The following ANK2 variants were observed in gnomAD, a reference collection of about 807,000 sequenced individuals.
The protein encoded by ANK2 is ankyrin 2.
A neutral mutation model predicts 360.5 loss-of-function variants in ANK2; 83 were observed. The ratio of observed to expected loss-of-function variants is 0.23; its 90% CI spans 0.19 to 0.28. ANK2 has a LOEUF of 0.28. Among genes scored for constraint, ANK2 ranks in the 10% least tolerant of loss-of-function variants. The probability of loss-of-function intolerance (pLI) is 1.00; values close to 1 mark genes in which losing one functional copy is unlikely to be tolerated. For missense variants in ANK2, 4,201 were observed against 4,795.7 expected (o/e 0.88, Z 3.66); for synonymous variants, 1,740 against 1,759.5 (o/e 0.99, Z 0.28).
chr4:113,259,675 A>C (rs1341615121), intron 13 of ANK2, among the ~76,000 whole-genome samples: 2 of 152,076 alleles, frequency 1.3e-5, no homozygotes, highest in Non-Finnish European at 2.9e-5. Context: ...TTATATGCTA[A>C]TCTTTATTTA....
At chr4:113,099,601 G>A (rs894677273) in intron 1 of ANK2, among the ~76,000 whole-genome samples, 2 of 151,908 alleles carry the variant, frequency 1.3e-5, no homozygotes, top group African/African-American at 2.4e-5. Context: ...CAAAATCTCA[G>A]CAAGTTGTCT....
At chr4:113,346,225 A>G (rs577302703) in intron 35 of ANK2, among the ~76,000 whole-genome samples, 1 of 152,360 alleles carries the variant, frequency 6.6e-6, no homozygotes, top group East Asian at 1.9e-4. Context: ...TCCACTTAAG[A>G]AAAAACGTAG....
chr4:113,335,638 T>G (rs2093424600), intron 29 of ANK2, among the ~76,000 whole-genome samples: 1 of 152,232 alleles, frequency 6.6e-6, no homozygotes, highest in Admixed American at 6.5e-5. Context: ...ACATGCAAGC[T>G]AAATGCTGAC....
chr4:112,766,490 C>A, the ANK2 span, among the ~76,000 whole-genome samples: 3 of 151,982 alleles, frequency 2.0e-5, no homozygotes, highest in Non-Finnish European at 4.4e-5. Flanking sequence ...ATTGAAAAGT[C>A]CAGGGGTATC....
At chr4:112,826,654 C>T (rs868116489) in intron 1 of ANK2, 161 of 1,016,068 alleles carry the variant, frequency 1.6e-4, no homozygotes, top group Middle Eastern at 4.3e-4. Context: ...CGGGTGACCA[C>T]ACTTACACAT....
At chr4:112,714,332 G>A in the ANK2 span, among the ~76,000 whole-genome samples, 1 of 152,084 alleles carries the variant, frequency 6.6e-6, no homozygotes, top group African/African-American at 2.4e-5. Context: ...AGAGGCACAC[G>A]CCACCATGCC....
At chr4:112,775,814 A>G in the ANK2 span, among the ~76,000 whole-genome samples, 3 of 152,184 alleles carry the variant, frequency 2.0e-5, no homozygotes, top group African/African-American at 7.2e-5. Context: ...GAGTAGTTGT[A>G]GGTCTATAAG....
chr4:112,987,391 C>A (rs1198716704), intron 2 of ANK2, among the ~76,000 whole-genome samples: 1 of 152,158 alleles, frequency 6.6e-6, no homozygotes, highest in Non-Finnish European at 1.5e-5. Flanking sequence ...AAACAACAAC[C>A]CTTTAATCTT....
intron 26 of ANK2, among the ~76,000 whole-genome samples, chr4:113,321,305 T>C (rs1480363446): frequency 6.6e-6 from 1 of 152,230 alleles, no homozygotes; most frequent in East Asian, 1.9e-4. Flanking sequence ...TATACACATG[T>C]TCTAGATCTT....
rs747998652 is a variant in ANK2 at position 113,353,904 on chromosome 4, C to T, written c.5286C>T (p.Pro1762=). 2.5e-6 allele frequency: 4 copies of T among 1,613,960 alleles called. No homozygotes were observed. In the African/African-American group the frequency reaches 4.0e-5, roughly 16 times the overall value. The change falls in exon 38 of 46, where the codon CCC becomes CCT. Residue 1762 remains proline, a synonymous_variant. Coordinates refer to ENST00000357077, the MANE Select transcript of ANK2 (RefSeq NM_001148.6). ...KATSPLIEET[P]IGSIKDKVKA... ...CATCTCCTTTGATAGAAGAAACTCC[C>T]ATTGGTTCCATAAAGGACAAAGTAA...
Position 113,354,049 on chromosome 4 carries a change from C to T in ANK2, c.5431C>T (p.Pro1811Ser), listed in dbSNP as rs200645469. The change falls in exon 38 of 46, where the codon CCC (proline) becomes TCC (serine). Residue 1811 changes from proline (P) to serine (S), a missense_variant. Around this residue, in one of 4 missense-constraint regions of ANK2, gnomAD observed 2,642 missense variants for 2,714.5 expected, o/e 0.97. Coordinates refer to ENST00000357077, the MANE Select transcript of ANK2 (RefSeq NM_001148.6). ...CCACAGGCCACATCCAGCTGCGTCA[C>T]CCTCTCTGAAGTCAGAGAGACATGC... The part of the protein sequence containing the change: ...TTHRPHPAAS[P>S]SLKSERHAPG... The T allele has an allele frequency of 8.1e-6, 13 of 1,613,962 alleles. No individual in the cohort carries two copies. The highest frequency in any genetic ancestry group is 1.1e-5 in the Non-Finnish European group (13 of 1,179,996).
chr4:112,807,909 G>T, the ANK2 span, among the ~76,000 whole-genome samples: 1 of 152,152 alleles, frequency 6.6e-6, no homozygotes, highest in Non-Finnish European at 1.5e-5. Flanking sequence ...AAATAGAATT[G>T]GGATTTATAA....
intron 2 of ANK2, among the ~76,000 whole-genome samples, chr4:113,194,775 G>A (rs2098724017): frequency 6.6e-6 from 1 of 152,076 alleles, no homozygotes; most frequent in African/African-American, 2.4e-5. Context: ...AATATTTGCT[G>A]ATTGTTTCAA....
the ANK2 span, among the ~76,000 whole-genome samples, chr4:112,729,261 C>A: frequency 6.6e-6 from 1 of 151,370 alleles, no homozygotes; most frequent in Admixed American, 6.6e-5. Flanking sequence ...TTAGTACAGT[C>A]ATTATGGAAA....
At chr4:113,149,043 C>T (rs1160167300) in intron 1 of ANK2, 1 of 152,248 alleles carries the variant, frequency 6.6e-6, no homozygotes, top group Non-Finnish European at 1.5e-5. Flanking sequence ...CTCCCTTTCT[C>T]CCCATCTCTT....
At chr4:113,306,867 A>G (rs2077464636) in intron 23 of ANK2, among the ~76,000 whole-genome samples, 1 of 152,224 alleles carries the variant, frequency 6.6e-6, no homozygotes, top group South Asian at 2.1e-4. Context: ...ATGGAGGAAT[A>G]TGGCAGCGAA....
chr4:113,270,713 A>T (rs773215535), intron 14 of ANK2, among the ~76,000 whole-genome samples: 17 of 152,244 alleles, frequency 1.1e-4, no homozygotes, highest in Non-Finnish European at 2.4e-4. Context: ...ATATGCATAC[A>T]AATTACCTGG....
intron 2 of ANK2, among the ~76,000 whole-genome samples, chr4:112,967,754 TCAGA>T (rs2037882514): frequency 6.6e-6 from 1 of 152,218 alleles, no homozygotes. Flanking sequence ...TTAATCACAC[TCAGA>T]CAGATCTTGA....
At chr4:112,958,527 G>A (rs1354185479) in intron 2 of ANK2, among the ~76,000 whole-genome samples, 1 of 152,196 alleles carries the variant, frequency 6.6e-6, no homozygotes, top group Admixed American at 6.5e-5. Flanking sequence ...AGGCTGCAGC[G>A]AGCCGAGATG....
Sources: allele counts gnomAD v4.1 joint callset (sites outside exome capture counted in the v4.1 genomes callset), GRCh38; gene constraint gnomAD v4.1.1; regional missense constraint gnomAD v4.1.1; transcripts MANE v1.5; gene names NCBI Gene and HGNC (gene_info 2026-07-23, HGNC 2026-07-21).